MIS18A: variants seen among roughly 807,000 people sequenced by gnomAD.
MIS18A encodes MIS18 kinetochore protein A.
Under a neutral mutation model 25.0 loss-of-function variants are expected in MIS18A, and 14 were observed. That is an observed-to-expected ratio of 0.56 (90% CI 0.37 to 0.88). MIS18A has a LOEUF of 0.88. Among genes scored for constraint, MIS18A ranks in the 40% least tolerant of loss-of-function variants. The pLI, the probability that MIS18A is intolerant of heterozygous loss-of-function variation, is 0.00. For missense variants in MIS18A, 292 were observed against 290.8 expected, an observed-to-expected ratio of 1.00 and a Z score of -0.03; for synonymous variants, 134 against 118.6, an observed-to-expected ratio of 1.13 and a Z score of -0.84.
chr21:32,156,280 T>C, the MIS18A span: 2 of 152,226 alleles, frequency 1.3e-5, no homozygotes, highest in Non-Finnish European at 2.9e-5. Context: ...ACCATTTTTA[T>C]TTTATTATGG....
chr21:32,256,694 C>T, the MIS18A span, among the ~76,000 whole-genome samples: 3 of 152,172 alleles, frequency 2.0e-5, no homozygotes, highest in East Asian at 5.8e-4. Context: ...TGTCTTGGCT[C>T]ATGCTAATCT....
At chr21:32,244,000 CTG>C in the MIS18A span, among the ~76,000 whole-genome samples, 12 of 151,884 alleles carry the variant, frequency 7.9e-5, no homozygotes, top group Admixed American at 5.3e-4. Context: ...CACTATAAAA[CTG>C]GAAACCACCC....
chr21:32,276,571 G>A, intron 1 of MIS18A, among the ~76,000 whole-genome samples: 1 of 151,790 alleles, frequency 6.6e-6, no homozygotes, highest in East Asian at 1.9e-4. Context: ...AACAATTCAG[G>A]AATGAAAAAG....
the MIS18A span, among the ~76,000 whole-genome samples, chr21:32,203,142 A>G: frequency 8.5e-4 from 130 of 152,142 alleles, 1 homozygote; most frequent in Middle Eastern, 6.8e-3. Context: ...AAACTCTTCC[A>G]GAAAGTAGAA....
the MIS18A span, among the ~76,000 whole-genome samples, chr21:32,253,621 G>A: frequency 6.6e-6 from 1 of 152,130 alleles, no homozygotes; most frequent in Non-Finnish European, 1.5e-5. Context: ...GGGAGAGTGA[G>A]CGACCTGCCC....
chr21:32,237,244 G>A, the MIS18A span, among the ~76,000 whole-genome samples: 2 of 152,204 alleles, frequency 1.3e-5, no homozygotes, highest in African/African-American at 4.8e-5. Context: ...GATGATGTGG[G>A]CAGAACCAAG....
At chr21:32,203,153 C>G in the MIS18A span, among the ~76,000 whole-genome samples, 1 of 147,256 alleles carries the variant, frequency 6.8e-6, no homozygotes, top group African/African-American at 2.5e-5. Context: ...GAAAGTAGAA[C>G]AGAGACTAGA....
downstream of MIS18A, among the ~76,000 whole-genome samples, chr21:32,265,079 C>T (rs1311474516): frequency 6.6e-6 from 1 of 152,196 alleles, no homozygotes; most frequent in Non-Finnish European, 1.5e-5. Flanking sequence ...GAAGGAGTAA[C>T]TTCTGGGGAG....
At chr21:32,216,460 C>A in the MIS18A span, among the ~76,000 whole-genome samples, 1 of 152,316 alleles carries the variant, frequency 6.6e-6, no homozygotes, top group African/African-American at 2.4e-5. Flanking sequence ...TGCAAAAAGC[C>A]TTTTCTTCAG....
chr21:32,277,957 C>T (rs918243397), intron 1 of MIS18A: 4 of 152,138 alleles, frequency 2.6e-5, no homozygotes, highest in Non-Finnish European at 4.4e-5. Flanking sequence ...ACAGAAAAAA[C>T]TTCATCTTGA....
chr21:32,222,839 G>C, the MIS18A span, among the ~76,000 whole-genome samples: 2 of 151,284 alleles, frequency 1.3e-5, no homozygotes, highest in Admixed American at 1.3e-4. Flanking sequence ...GCTAAAGGAG[G>C]AGAACAGTGT....
the MIS18A span, among the ~76,000 whole-genome samples, chr21:32,241,442 G>GTT: frequency 6.6e-6 from 1 of 151,946 alleles, no homozygotes; most frequent in Admixed American, 6.5e-5. Flanking sequence ...GGTAACTTAA[G>GTT]TGTCATCGTT....
chr21:32,240,106 C>T, the MIS18A span, among the ~76,000 whole-genome samples: 12 of 152,360 alleles, frequency 7.9e-5, no homozygotes, highest in Middle Eastern at 6.8e-3. Context: ...ATGTCAATGT[C>T]ACAGTGCTGC....
chr21:32,276,320 G>A (rs1215857758), intron 1 of MIS18A, among the ~76,000 whole-genome samples: 1 of 151,950 alleles, frequency 6.6e-6, no homozygotes, highest in Non-Finnish European at 1.5e-5. Flanking sequence ...AATTAGCGGG[G>A]TGTGGTGGCG....
At chr21:32,275,215 A>AT (rs879516763) in intron 1 of MIS18A, among the ~76,000 whole-genome samples, 6 of 152,202 alleles carry the variant, frequency 3.9e-5, no homozygotes, top group Non-Finnish European at 7.3e-5. Flanking sequence ...CTCTAAAAAA[A>AT]AATTTTTAAA....
chr21:32,226,176 G>C, the MIS18A span, among the ~76,000 whole-genome samples: 2 of 142,250 alleles, frequency 1.4e-5, no homozygotes, highest in South Asian at 4.7e-4. Context: ...ATATACCTAA[G>C]GCTAGATGAC....
the MIS18A span, among the ~76,000 whole-genome samples, chr21:32,207,586 C>A: frequency 1.3e-5 from 2 of 152,234 alleles, no homozygotes; most frequent in Non-Finnish European, 2.9e-5. Context: ...CAGCTGTCTA[C>A]GGTGGAGGGG....
chr21:32,174,184 C>T, the MIS18A span, among the ~76,000 whole-genome samples: 1 of 151,732 alleles, frequency 6.6e-6, no homozygotes, highest in African/African-American at 2.4e-5. Context: ...GGGCTCATCT[C>T]GATCTCCTGA....
At chr21:32,167,811 A>C in the MIS18A span, among the ~76,000 whole-genome samples, 1 of 152,254 alleles carries the variant, frequency 6.6e-6, no homozygotes, top group East Asian at 1.9e-4. Context: ...CAGAAGCCAA[A>C]GACAAGGAAA....
Sources: gnomAD v4.1 joint callset for allele counts (sites outside exome capture counted in the v4.1 genomes callset) on GRCh38, gnomAD v4.1.1 for gene constraint, MANE v1.5 for transcripts, NCBI Gene and HGNC (gene_info 2026-07-23, HGNC 2026-07-21) for gene names.